The following DIAPH3 variants were observed in gnomAD, a reference collection of about 807,000 sequenced individuals.
DIAPH3 encodes the protein diaphanous related formin 3.
DIAPH3 carries 117 observed loss-of-function variants against 144.3 expected under a neutral mutation model. The observed-to-expected ratio is 0.81, with a 90% CI of 0.70 to 0.95. The LOEUF is 0.95. Ranked by LOEUF, DIAPH3 falls within the 40% of genes least tolerant of loss-of-function variation. The pLI is 0.00. For synonymous variants in DIAPH3, 519 were observed against 488.9 expected, an observed-to-expected ratio of 1.06 and a Z score of -0.81; for missense variants, 1,421 against 1,412.7, an observed-to-expected ratio of 1.01 and a Z score of -0.09.
intron 20 of DIAPH3, among the ~76,000 whole-genome samples, chr13:59,894,527 A>AG (rs1160558581): frequency 1.3e-5 from 2 of 151,152 alleles, no homozygotes; most frequent in South Asian, 2.1e-4. Flanking sequence ...CCTTCCCAGG[A>AG]GAAAAAAAAA....
At chr13:60,002,550 T>C (rs1487147706) in intron 9 of DIAPH3, among the ~76,000 whole-genome samples, 1 of 152,218 alleles carries the variant, frequency 6.6e-6, no homozygotes, top group African/African-American at 2.4e-5. Context: ...AGTTCACGTC[T>C]TTTGACAGCA....
rs2034486540 is a variant in DIAPH3, at chr13:59,707,330, T to C, written c.3320-40484A>G. Among the ~76,000 whole-genome samples the C allele has an allele frequency of 2.0e-5, 3 of 152,294 alleles. No individual in the cohort carries two copies. The South Asian group carries it at 6.2e-4, about 32-fold the overall frequency. On this transcript the variant is annotated intron_variant, in intron 27 of 27. Coordinates refer to ENST00000400324, the MANE Select transcript of DIAPH3 (RefSeq NM_001042517.2). ...ACTTGGTACATTAAATGTAGTACGC[T>C]GGCACCTGGTTAAGTAATTTAGAAA...
intron 27 of DIAPH3, among the ~76,000 whole-genome samples, chr13:59,771,404 TA>T (rs894228218): frequency 6.6e-6 from 1 of 151,994 alleles, no homozygotes; most frequent in African/African-American, 2.4e-5. Context: ...TTAAAATAAA[TA>T]AAAAGTGGTC....
chr13:60,022,996 G>A (rs534331294), intron 5 of DIAPH3, among the ~76,000 whole-genome samples: 2 of 152,180 alleles, frequency 1.3e-5, no homozygotes, highest in South Asian at 2.1e-4. Context: ...TTTTGGTTTT[G>A]TTTTGTTCTA....
chr13:59,963,154 A>C (rs1220032300), intron 17 of DIAPH3, among the ~76,000 whole-genome samples: 1 of 152,198 alleles, frequency 6.6e-6, no homozygotes, highest in Non-Finnish European at 1.5e-5. Flanking sequence ...TGTGGTTAAC[A>C]AAAGGTCTCT....
chr13:59,833,576 AAT>A (rs1378365862), intron 23 of DIAPH3, among the ~76,000 whole-genome samples: 1 of 151,836 alleles, frequency 6.6e-6, no homozygotes, highest in Non-Finnish European at 1.5e-5. Flanking sequence ...CAGATCATAC[AAT>A]ATGATTTAAA....
chr13:59,976,962 A>T (rs577360832), intron 14 of DIAPH3, among the ~76,000 whole-genome samples: 2 of 151,876 alleles, frequency 1.3e-5, no homozygotes, highest in Admixed American at 6.6e-5. Context: ...CTCAACTAAC[A>T]TGACTTCTTT....
At chr13:59,868,294 C>T (rs1023691212) in intron 21 of DIAPH3, among the ~76,000 whole-genome samples, 3 of 151,918 alleles carry the variant, frequency 2.0e-5, no homozygotes, top group African/African-American at 7.2e-5. Context: ...GAACAATTAA[C>T]AAAAATTGGA....
intron 20 of DIAPH3, among the ~76,000 whole-genome samples, chr13:59,908,393 A>AG (rs768038628): frequency 0.019 from 2,160 of 110,772 alleles, 20 homozygotes; most frequent in East Asian, 0.16. Flanking sequence ...AAAAAAAAAA[A>AG]AGTAAGACAT....
chr13:60,029,163 A>T (rs1467282599), intron 5 of DIAPH3, among the ~76,000 whole-genome samples: 2 of 30,772 alleles, frequency 6.5e-5, no homozygotes, highest in Non-Finnish European at 1.6e-4. Flanking sequence ...TGCTCAAGTA[A>T]AAAAAAAAAC....
Position 59,726,107 on chromosome 13 carries a change from A to G in DIAPH3, c.3319+48082T>C, listed in dbSNP as rs181112829. Among the ~76,000 whole-genome samples, 3 of 152,354 alleles carry G rather than the reference A, an allele frequency of 2.0e-5. No homozygotes were observed. In the East Asian group the frequency reaches 5.8e-4, roughly 29 times the overall value. Reference sequence around the variant, plus strand: ...TGAATTAAAATTTCACTTTACAAGTATATTATTCTAGAACTGTATAGATTT... The same window carrying G: ...TGAATTAAAATTTCACTTTACAAGTGTATTATTCTAGAACTGTATAGATTT... On this transcript the variant is annotated intron_variant, in intron 27 of 27. Transcript: ENST00000400324.
intron 4 of DIAPH3, among the ~76,000 whole-genome samples, chr13:60,061,791 T>G (rs1166284861): frequency 1.3e-5 from 2 of 152,026 alleles, no homozygotes; most frequent in African/African-American, 4.8e-5. Context: ...CTAAAAAAAG[T>G]AAAAATTTTC....
chr13:59,685,054 AC>A (rs2033144566), intron 27 of DIAPH3, among the ~76,000 whole-genome samples: 1 of 152,160 alleles, frequency 6.6e-6, no homozygotes, highest in African/African-American at 2.4e-5. Flanking sequence ...TAACAGCAAT[AC>A]ACTTAATATG....
intron 27 of DIAPH3, among the ~76,000 whole-genome samples, chr13:59,668,684 T>C (rs1229824846): frequency 5.9e-5 from 9 of 152,202 alleles, no homozygotes; most frequent in Admixed American, 5.9e-4. Flanking sequence ...AGATAAACTT[T>C]AGTTTGAATA....
chr13:60,087,661 C>G (rs1261326384), intron 4 of DIAPH3, among the ~76,000 whole-genome samples: 1 of 151,982 alleles, frequency 6.6e-6, no homozygotes, highest in Non-Finnish European at 1.5e-5. Context: ...CAAAACTTTT[C>G]TAATAAATTC....
chr13:60,116,021 G>A (rs949555369), intron 2 of DIAPH3, among the ~76,000 whole-genome samples: 1 of 151,984 alleles, frequency 6.6e-6, no homozygotes, highest in African/African-American at 2.4e-5. Context: ...CAGCAGACCT[G>A]TACTACAAAA....
At chr13:59,770,414 C>G (rs533204588) in intron 27 of DIAPH3, among the ~76,000 whole-genome samples, 50 of 152,196 alleles carry the variant, frequency 3.3e-4, no homozygotes, top group African/African-American at 1.1e-3. Flanking sequence ...TCCTTTATGC[C>G]TTGTCTCCAC....
intron 2 of DIAPH3, among the ~76,000 whole-genome samples, chr13:60,123,646 T>C (rs2058906173): frequency 6.6e-6 from 1 of 152,238 alleles, no homozygotes; most frequent in Admixed American, 6.5e-5. Context: ...TTTGGATGTA[T>C]TTTACATTCA....
chr13:59,728,811 T>C (rs1402201494), intron 27 of DIAPH3, among the ~76,000 whole-genome samples: 3 of 152,186 alleles, frequency 2.0e-5, no homozygotes, highest in Non-Finnish European at 4.4e-5. Flanking sequence ...GATGAATTTT[T>C]CTCTATGTAT....
Sources: gnomAD v4.1 joint callset for allele counts (sites outside exome capture counted in the v4.1 genomes callset) on GRCh38, gnomAD v4.1.1 for gene constraint, MANE v1.5 for transcripts, NCBI Gene and HGNC (gene_info 2026-07-23, HGNC 2026-07-21) for gene names.